FOCAD: variants seen among roughly 807,000 people sequenced by gnomAD.
FOCAD encodes KIAA1797.
In FOCAD, 198 loss-of-function variants were observed where a neutral mutation model predicts 225.6. The observed-to-expected ratio is 0.88, with a 90% CI of 0.78 to 0.99. The LOEUF (loss-of-function observed/expected upper bound fraction) is 0.99. Ranked by LOEUF, FOCAD falls within the 50% of genes least tolerant of loss-of-function variation. The pLI is 0.00. For missense variants in FOCAD, 2,713 were observed against 2,123.6 expected, an observed-to-expected ratio of 1.28 and a Z score of -5.46; for synonymous variants, 897 against 755.0, an observed-to-expected ratio of 1.19 and a Z score of -3.08.
At chr9:20,714,602 G>GC (rs541027717) in intron 1 of FOCAD, among the ~76,000 whole-genome samples, 2 of 109,300 alleles carry the variant, frequency 1.8e-5, no homozygotes, top group Non-Finnish European at 3.7e-5. Flanking sequence ...CCTTTTGCAT[G>GC]CTTGCCTGCC....
intron 5 of FOCAD, among the ~76,000 whole-genome samples, chr9:20,751,948 A>G (rs2131745123): frequency 7.1e-6 from 1 of 141,794 alleles, no homozygotes; most frequent in African/African-American, 2.6e-5. Flanking sequence ...TGGCTGCATA[A>G]ATGTTGTCTT....
chr9:20,714,526 A>T (rs1428751251), intron 1 of FOCAD, among the ~76,000 whole-genome samples: 1 of 151,948 alleles, frequency 6.6e-6, no homozygotes, highest in African/African-American at 2.4e-5. Flanking sequence ...AAATGGGATA[A>T]ATTGGGATCC....
rs148680352 is a variant in FOCAD, at chr9:20,674,755, G to A, written c.-78+15929G>A. On this transcript the variant is annotated intron_variant, in intron 2 of 45. Transcript: ENST00000380249. ...CTGTATAATCAGTGTTTAGCATGGC[G>A]TTGAGCTGATACTATTTACTCAGTA... 2.7e-3 allele frequency among the ~76,000 whole-genome samples: 410 copies of A among 152,334 alleles called. 3 individuals are homozygous for A. The highest frequency in any genetic ancestry group is 9.5e-3 in the African/African-American group (396 of 41,576).
intron 5 of FOCAD, among the ~76,000 whole-genome samples, chr9:20,741,521 A>G (rs969239934): frequency 5.3e-5 from 8 of 152,058 alleles, no homozygotes; most frequent in Non-Finnish European, 8.8e-5. Context: ...TTCTTAACAT[A>G]TTTTGTGAAT....
chr9:20,942,505 T>C (rs897171098), intron 28 of FOCAD, among the ~76,000 whole-genome samples: 1 of 152,240 alleles, frequency 6.6e-6, no homozygotes, highest in East Asian at 1.9e-4. Flanking sequence ...TGAATTTTCT[T>C]GGTTGAATCT....
At position 20,698,422 on chromosome 9, in the gene FOCAD, TAG is replaced by T. The variant is rs552356061; in HGVS notation, c.-33+14132_-33+14133del. ...TGTGTATTTATTTTTATTTTTGAGA[TAG>T]AGTCTTGCTCTATGACCCAGGCTGG... On this transcript the variant is annotated intron_variant, in intron 1 of 43. Transcript: ENST00000338382. Among the ~76,000 whole-genome samples the T allele has an allele frequency of 8.5e-5, 13 of 152,220 alleles. No homozygotes were observed. In the East Asian group the frequency reaches 2.5e-3, roughly 29 times the overall value.
intron 4 of FOCAD, among the ~76,000 whole-genome samples, chr9:20,729,795 C>T (rs1323178572): frequency 1.2e-4 from 19 of 152,030 alleles, no homozygotes; most frequent in Admixed American, 1.2e-3. Context: ...TGCTTAAATA[C>T]AAGTGACTAA....
intron 5 of FOCAD, among the ~76,000 whole-genome samples, chr9:20,741,062 A>G (rs1827574799): frequency 1.3e-5 from 2 of 152,318 alleles, no homozygotes; most frequent in African/African-American, 2.4e-5. Context: ...TCAGTGAGGC[A>G]TTCAGAATGT....
chr9:20,829,271 A>G (rs1032061092), intron 15 of FOCAD, among the ~76,000 whole-genome samples: 2 of 151,982 alleles, frequency 1.3e-5, no homozygotes, highest in Non-Finnish European at 2.9e-5. Context: ...AAGTGTTCCT[A>G]TTTCTCCACA....
At chr9:20,780,944 G>A (rs1394465044) in intron 9 of FOCAD, among the ~76,000 whole-genome samples, 2 of 152,188 alleles carry the variant, frequency 1.3e-5, no homozygotes, top group Admixed American at 1.3e-4. Context: ...ACAACTCATT[G>A]ACATGATTCA....
chr9:20,758,229 A>T, intron 6 of FOCAD, 38 bp downstream of exon 6: 2 of 1,457,944 alleles, frequency 1.4e-6, no homozygotes, highest in Non-Finnish European at 1.9e-6. Flanking sequence ...AGTGAGGGAG[A>T]CAGAATGGTA....
At position 20,765,509 on chromosome 9, in the gene FOCAD, A is replaced by G. The variant is rs1008837316; in HGVS notation, c.699+436A>G. ...TGCAAAGCCTGGCCAGCTGAGTGCC[A>G]GCTAGATTCCAGCTTCCACATGTCC... is the stretch of plus-strand genomic sequence containing the variant. On this transcript the variant is annotated intron_variant, in intron 7 of 43. Transcript: ENST00000338382. Among the ~76,000 whole-genome samples the G allele has an allele frequency of 5.9e-5, 9 of 152,032 alleles. No homozygotes were observed. The South Asian group carries it at 1.9e-3, about 32-fold the overall frequency.
intron 15 of FOCAD, among the ~76,000 whole-genome samples, chr9:20,859,216 T>C (rs1292404552): frequency 3.3e-5 from 5 of 151,766 alleles, no homozygotes; most frequent in Non-Finnish European, 5.9e-5. Flanking sequence ...CTCTACTAAA[T>C]CCAAATTAAA....
At chr9:20,950,788 C>T (rs748741423) in intron 33 of FOCAD, among the ~76,000 whole-genome samples, 5 of 152,158 alleles carry the variant, frequency 3.3e-5, no homozygotes, top group Non-Finnish European at 7.4e-5. Flanking sequence ...TTGATTGAAT[C>T]ATTCATTCAT....
chr9:20,847,139 G>C (rs184297401), intron 15 of FOCAD, among the ~76,000 whole-genome samples: 3 of 152,016 alleles, frequency 2.0e-5, no homozygotes, highest in African/African-American at 7.2e-5. Flanking sequence ...CCACAGAGTT[G>C]TACAATCATC....
intron 1 of FOCAD, among the ~76,000 whole-genome samples, chr9:20,712,879 C>G (rs1012594481): frequency 2.0e-5 from 3 of 151,644 alleles, no homozygotes; most frequent in Non-Finnish European, 4.4e-5. Context: ...ATTATAGGTG[C>G]ACACCACCAC....
chr9:20,722,184 A>G (rs975118494), intron 4 of FOCAD, among the ~76,000 whole-genome samples: 4 of 151,450 alleles, frequency 2.6e-5, no homozygotes, highest in Non-Finnish European at 5.9e-5. Context: ...CTGGGACTAC[A>G]AATGTGTGCC....
chr9:20,941,255 A>G (rs1482146839), intron 28 of FOCAD, among the ~76,000 whole-genome samples: 1 of 152,166 alleles, frequency 6.6e-6, no homozygotes. Flanking sequence ...GCCTATCACT[A>G]AGATTTTACT....
At chr9:20,905,423 C>T (rs1487255164) in intron 21 of FOCAD, among the ~76,000 whole-genome samples, 2 of 151,822 alleles carry the variant, frequency 1.3e-5, no homozygotes, top group Admixed American at 1.3e-4. Context: ...CATTGTCTTC[C>T]TTGCAAATTG....
Sources: gnomAD v4.1 joint callset for allele counts (sites outside exome capture counted in the v4.1 genomes callset) on GRCh38, gnomAD v4.1.1 for gene constraint, MANE v1.5 for transcripts, NCBI Gene and HGNC (gene_info 2026-07-23, HGNC 2026-07-21) for gene names.